The following GRID2 variants were observed in gnomAD, a reference collection of about 807,000 sequenced individuals.
GRID2 encodes the protein glutamate ionotropic receptor delta type subunit 2.
A neutral mutation model predicts 114.8 loss-of-function variants in GRID2; 33 were observed. The ratio of observed to expected loss-of-function variants is 0.29; its 90% CI spans 0.22 to 0.38. The LOEUF is 0.38. Among genes scored for constraint, GRID2 ranks in the 10% least tolerant of loss-of-function variants. GRID2 has a pLI of 1.00. For synonymous variants in GRID2, 505 were observed against 449.9 expected (o/e 1.12, Z -1.55); for missense variants, 1,184 against 1,257.7 (o/e 0.94, Z 0.89).
intron 8 of GRID2, among the ~76,000 whole-genome samples, chr4:93,291,645 C>A (rs1374502967): frequency 6.6e-6 from 1 of 152,138 alleles, no homozygotes; most frequent in Non-Finnish European, 1.5e-5. Context: ...AACTGAGAAG[C>A]ATGTAAATCC....
intron 1 of GRID2, among the ~76,000 whole-genome samples, chr4:92,476,719 C>G (rs1722332024): frequency 6.6e-6 from 1 of 152,014 alleles, no homozygotes; most frequent in Non-Finnish European, 1.5e-5. Context: ...GCATTTAAAG[C>G]TGTATTCTAA....
intron 2 of GRID2, among the ~76,000 whole-genome samples, chr4:92,639,325 T>C (rs1409702786): frequency 3.3e-5 from 5 of 151,832 alleles, no homozygotes; most frequent in Non-Finnish European, 5.9e-5. Flanking sequence ...AAAGATACAT[T>C]AGGTCTCATA....
chr4:93,422,943 G>T lies in GRID2; in HGVS notation c.1520G>T (p.Gly507Val). The stretch of plus-strand genomic sequence containing the variant: ...CCACAAGAAGATGGGACATGGAATG[G>T]CTTGGTAGGAGAACTTGTCTTTAAG... ...GSPQEDGTWN[G>V]LVGELVFKRA... The change falls in exon 10 of 16, where the codon GGC becomes GTC. Residue 507 changes from glycine (G) to valine (V), a missense_variant. This residue lies in a region of GRID2 where 717 missense variants were observed against 796.9 expected (regional missense o/e 0.90). Transcript: ENST00000282020. The T allele has an allele frequency of 1.2e-6, 2 of 1,611,570 alleles. No homozygotes were observed. The highest frequency in any genetic ancestry group is 1.7e-6 in the Non-Finnish European group (2 of 1,177,746).
At chr4:93,589,717 G>A (rs1276897376) in intron 13 of GRID2, among the ~76,000 whole-genome samples, 3 of 152,060 alleles carry the variant, frequency 2.0e-5, no homozygotes, top group Non-Finnish European at 2.9e-5. Flanking sequence ...AGCACCTGTC[G>A]TTTCCTGACT....
intron 8 of GRID2, chr4:93,318,871 C>T (rs1756948215): frequency 6.6e-6 from 1 of 152,102 alleles, no homozygotes; most frequent in African/African-American, 2.4e-5. Flanking sequence ...CCTGGATTTA[C>T]TATTCTGACA....
chr4:92,981,377 T>A (rs1234435507), intron 2 of GRID2, among the ~76,000 whole-genome samples: 1 of 152,112 alleles, frequency 6.6e-6, no homozygotes, highest in African/African-American at 2.4e-5. Context: ...GCGTGCGTAT[T>A]ATTGATCATT....
chr4:93,456,306 G>A (rs1340946435), intron 11 of GRID2, among the ~76,000 whole-genome samples: 1 of 152,162 alleles, frequency 6.6e-6, no homozygotes, highest in Non-Finnish European at 1.5e-5. Flanking sequence ...TTATAAGGAT[G>A]AAATTACTTA....
At chr4:92,873,714 T>A (rs965266910) in intron 2 of GRID2, among the ~76,000 whole-genome samples, 10 of 152,014 alleles carry the variant, frequency 6.6e-5, no homozygotes, top group Admixed American at 6.6e-4. Context: ...TTTTTGTTTG[T>A]TTGTTTTGTT....
intron 8 of GRID2, among the ~76,000 whole-genome samples, chr4:93,343,431 T>C (rs1330500240): frequency 1.3e-5 from 2 of 152,080 alleles, no homozygotes; most frequent in African/African-American, 4.8e-5. Flanking sequence ...TCAACTTGTT[T>C]TCCACTTTCA....
intron 8 of GRID2, among the ~76,000 whole-genome samples, chr4:93,345,391 A>G (rs564066518): frequency 6.6e-6 from 1 of 152,008 alleles, no homozygotes; most frequent in Admixed American, 6.6e-5. Flanking sequence ...CATTCCCTGA[A>G]TATTAATGAT....
chr4:92,377,875 C>T (rs2110231107), intron 1 of GRID2, among the ~76,000 whole-genome samples: 1 of 152,230 alleles, frequency 6.6e-6, no homozygotes, highest in East Asian at 1.9e-4. Flanking sequence ...CCACCAGGTC[C>T]CTTCCACAAC....
intron 2 of GRID2, among the ~76,000 whole-genome samples, chr4:92,665,015 A>G (rs1732701473): frequency 6.7e-6 from 1 of 148,442 alleles, no homozygotes. Flanking sequence ...TCAGAGCTTA[A>G]TCTACTTATG....
At chr4:92,560,693 C>A (rs958161291) in intron 1 of GRID2, among the ~76,000 whole-genome samples, 3 of 152,014 alleles carry the variant, frequency 2.0e-5, no homozygotes, top group Non-Finnish European at 2.9e-5. Flanking sequence ...TTGAAGCCCA[C>A]CTTCTACATG....
intron 1 of GRID2, among the ~76,000 whole-genome samples, chr4:92,490,707 T>A (rs1291277273): frequency 6.6e-6 from 1 of 152,128 alleles, no homozygotes; most frequent in Admixed American, 6.5e-5. Flanking sequence ...AACAGTTCCA[T>A]CTCAGCATGA....
At chr4:92,347,888 C>T (rs567885438) in intron 1 of GRID2, among the ~76,000 whole-genome samples, 176 of 152,138 alleles carry the variant, frequency 1.2e-3, no homozygotes, top group African/African-American at 4.0e-3. Context: ...TGTAATATTA[C>T]GTTTTATGAA....
chr4:93,258,319 T>C (rs1749852639), intron 8 of GRID2, among the ~76,000 whole-genome samples: 1 of 151,606 alleles, frequency 6.6e-6, no homozygotes, highest in Non-Finnish European at 1.5e-5. Flanking sequence ...CTAGCAAAGA[T>C]ATTTAAGTTT....
At chr4:92,949,568 T>A (rs969858301) in intron 2 of GRID2, among the ~76,000 whole-genome samples, 1 of 151,598 alleles carries the variant, frequency 6.6e-6, no homozygotes, top group Non-Finnish European at 1.5e-5. Flanking sequence ...TCCACTGTGA[T>A]AAGAAATGGG....
At chr4:92,979,600 C>A (rs1006067417) in intron 2 of GRID2, among the ~76,000 whole-genome samples, 1 of 152,088 alleles carries the variant, frequency 6.6e-6, no homozygotes, top group Non-Finnish European at 1.5e-5. Flanking sequence ...TGCCTTCGAA[C>A]AATGACATAT....
chr4:93,164,894 T>C (rs1387326488), intron 4 of GRID2: 3 of 258,210 alleles, frequency 1.2e-5, no homozygotes, highest in African/African-American at 6.6e-5. Flanking sequence ...TTAAGGAAAA[T>C]AACGTATCTG....
Sources: gnomAD v4.1 joint callset for allele counts (sites outside exome capture counted in the v4.1 genomes callset) on GRCh38, gnomAD v4.1.1 for gene constraint, gnomAD v4.1.1 regional missense constraint, MANE v1.5 for transcripts, NCBI Gene and HGNC (gene_info 2026-07-23, HGNC 2026-07-21) for gene names.